The following IMMP2L variants were observed in gnomAD, a reference collection of about 807,000 sequenced individuals.
IMMP2L encodes the protein inner mitochondrial membrane peptidase subunit 2, also known as mitochondrial inner membrane protease subunit 2.
IMMP2L carries 18 observed loss-of-function variants against 19.3 expected under a neutral mutation model. The ratio of observed to expected loss-of-function variants is 0.93; its 90% confidence interval spans 0.64 to 1.38. The LOEUF (loss-of-function observed/expected upper bound fraction) is 1.38. IMMP2L is among the 40% of genes most tolerant of loss of function. The pLI is 0.00. For missense variants in IMMP2L, 233 were observed against 218.2 expected (o/e 1.07, Z -0.43); for synonymous variants, 76 against 73.0 (o/e 1.04, Z -0.21).
intron 3 of IMMP2L, among the ~76,000 whole-genome samples, chr7:111,169,777 T>C (rs1362626766): frequency 2.6e-5 from 4 of 151,802 alleles, no homozygotes; most frequent in Non-Finnish European, 4.4e-5. Flanking sequence ...TAGGACTTCA[T>C]GTTTTGGGGA....
chr7:111,499,902 G>A (rs1843999569), intron 2 of IMMP2L, among the ~76,000 whole-genome samples: 1 of 152,118 alleles, frequency 6.6e-6, no homozygotes, highest in African/African-American at 2.4e-5. Context: ...GGTGATTTCT[G>A]CATTTCCATC....
intron 4 of IMMP2L, among the ~76,000 whole-genome samples, chr7:110,905,343 T>G (rs574383778): frequency 6.6e-6 from 1 of 152,310 alleles, no homozygotes; most frequent in East Asian, 1.9e-4. Context: ...TAGGAAAGTT[T>G]AACTTTTTAC....
At chr7:111,449,925 CAGAG>C (rs1165392931) in intron 3 of IMMP2L, among the ~76,000 whole-genome samples, 2 of 137,438 alleles carry the variant, frequency 1.5e-5, no homozygotes, top group Non-Finnish European at 3.0e-5. Flanking sequence ...AACAGACAAA[CAGAG>C]AGCCAAATCA....
intron 4 of IMMP2L, among the ~76,000 whole-genome samples, chr7:110,921,501 C>T (rs1285387172): frequency 2.6e-5 from 4 of 152,190 alleles, no homozygotes; most frequent in African/African-American, 7.2e-5. Flanking sequence ...TATTTCTTAT[C>T]TAATTAGCCA....
rs1798103041 is a variant in IMMP2L at position 110,757,493 on chromosome 7, G to T, written c.409-93772C>A. Among the ~76,000 whole-genome samples, 1 of 152,138 alleles carries T rather than the reference G, an allele frequency of 6.6e-6. No homozygotes were observed. The highest frequency in any genetic ancestry group is 6.6e-5 in the Admixed American group (1 of 15,248). On this transcript the variant is annotated intron_variant, in intron 5 of 5. Transcript: ENST00000405709. The surrounding 1 kb of genome is among the most constrained non-coding windows in gnomAD (Gnocchi z 4.2). Reference sequence around the variant, plus strand: ...TTCTCTTGAACTCTTTGTCCCAGGAGGTTATGTGGATTGTAGTAGTGGGCT... The same window carrying T: ...TTCTCTTGAACTCTTTGTCCCAGGATGTTATGTGGATTGTAGTAGTGGGCT...
chr7:111,002,824 A>G (rs1823850985), intron 3 of IMMP2L, among the ~76,000 whole-genome samples: 2 of 152,132 alleles, frequency 1.3e-5, no homozygotes, highest in Non-Finnish European at 2.9e-5. Flanking sequence ...TTCTTTTGGA[A>G]TTACCACACT....
At chr7:111,169,295 T>G (rs936593104) in intron 3 of IMMP2L, among the ~76,000 whole-genome samples, 4 of 151,838 alleles carry the variant, frequency 2.6e-5, no homozygotes, top group Non-Finnish European at 4.4e-5. Context: ...TTCCCTTCAC[T>G]TAAAAATAGC....
At chr7:110,967,104 T>C (rs936064723) in intron 3 of IMMP2L, among the ~76,000 whole-genome samples, 4 of 152,090 alleles carry the variant, frequency 2.6e-5, no homozygotes, top group Non-Finnish European at 4.4e-5. Flanking sequence ...CTCCAGAGAC[T>C]TGGATGAGGA....
chr7:111,283,362 A>G (rs6945911), intron 3 of IMMP2L, among the ~76,000 whole-genome samples: 9,871 of 152,246 alleles, frequency 0.065, 415 homozygotes, highest in Middle Eastern at 0.11. Flanking sequence ...GAAAGAAGAA[A>G]ACTACAGAAC....
chr7:110,716,133 A>G (rs1055384616), intron 5 of IMMP2L, among the ~76,000 whole-genome samples: 1 of 151,590 alleles, frequency 6.6e-6, no homozygotes, highest in Non-Finnish European at 1.5e-5. Context: ...CCAACCCCCA[A>G]AATAAAGGGT....
intron 5 of IMMP2L, among the ~76,000 whole-genome samples, chr7:110,884,597 C>A (rs1377616492): frequency 6.6e-6 from 1 of 151,966 alleles, no homozygotes; most frequent in African/African-American, 2.4e-5. Context: ...ACAGAGACAT[C>A]ACACGCAATG....
At chr7:111,315,003 C>T (rs531474269) in intron 3 of IMMP2L, among the ~76,000 whole-genome samples, 148 of 152,076 alleles carry the variant, frequency 9.7e-4, no homozygotes, top group Non-Finnish European at 1.7e-3. Context: ...CAAAGTAAAT[C>T]GGGAGGAAAA....
intron 1 of IMMP2L, among the ~76,000 whole-genome samples, chr7:111,530,993 G>C (rs1013735363): frequency 6.7e-5 from 10 of 148,472 alleles, no homozygotes; most frequent in Admixed American, 2.0e-4. Flanking sequence ...GTCTTGCTCT[G>C]TCACCCAGGC....
At chr7:111,459,509 A>G (rs1404605518) in intron 3 of IMMP2L, among the ~76,000 whole-genome samples, 1 of 152,098 alleles carries the variant, frequency 6.6e-6, no homozygotes, top group Non-Finnish European at 1.5e-5. Flanking sequence ...TGATAAACAA[A>G]CATTCCTTTA....
At chr7:110,995,296 A>G (rs766955594) in intron 3 of IMMP2L, among the ~76,000 whole-genome samples, 7 of 152,156 alleles carry the variant, frequency 4.6e-5, no homozygotes, top group Non-Finnish European at 7.4e-5. Flanking sequence ...ACTTAGGCTA[A>G]AAGTTATAAT....
At chr7:111,511,917 T>A (rs1326181974) in intron 2 of IMMP2L, among the ~76,000 whole-genome samples, 3 of 152,092 alleles carry the variant, frequency 2.0e-5, no homozygotes, top group Non-Finnish European at 4.4e-5. Context: ...AGAGGTGGAA[T>A]GAGAGTGCAA....
At chr7:111,117,992 A>T (rs1800097810) in intron 3 of IMMP2L, among the ~76,000 whole-genome samples, 2 of 152,110 alleles carry the variant, frequency 1.3e-5, no homozygotes, top group Non-Finnish European at 2.9e-5. Context: ...TCTTACTCAC[A>T]TGTCCTCACT....
At chr7:111,030,858 ATGTG>A (rs1294107205) in intron 3 of IMMP2L, among the ~76,000 whole-genome samples, 2 of 126,114 alleles carry the variant, frequency 1.6e-5, no homozygotes, top group African/African-American at 5.8e-5. Context: ...GTATATACAT[ATGTG>A]TGTGTATGTG....
At chr7:111,400,984 T>C (rs557624401) in intron 3 of IMMP2L, among the ~76,000 whole-genome samples, 4 of 152,296 alleles carry the variant, frequency 2.6e-5, no homozygotes, top group African/African-American at 9.6e-5. Context: ...GTTTATTTTG[T>C]TGCTTTTTGC....
Sources: allele counts gnomAD v4.1 joint callset (sites outside exome capture counted in the v4.1 genomes callset), GRCh38; gene constraint gnomAD v4.1.1; non-coding constraint Gnocchi (gnomAD v3.1); transcripts MANE v1.5; gene names NCBI Gene and HGNC (gene_info 2026-07-23, HGNC 2026-07-21).